Variants in DLGAP2 observed in about 807,000 individuals in gnomAD.
The protein encoded by DLGAP2 is disks large-associated protein 2.
Under a neutral mutation model 100.3 loss-of-function variants are expected in DLGAP2, and 26 were observed. The observed-to-expected ratio is 0.26, with a 90% CI of 0.19 to 0.36. The LOEUF is 0.36. DLGAP2 is among the 10% of genes least tolerant of loss of function. The pLI is 1.00. For missense variants in DLGAP2, 1,858 were observed against 1,453.2 expected (o/e 1.28, Z -4.53); for synonymous variants, 886 against 630.1 (o/e 1.41, Z -6.08).
chr8:1,166,306 TCCCG>T (rs1409150654), intron 2 of DLGAP2, among the ~76,000 whole-genome samples: 9 of 152,310 alleles, frequency 5.9e-5, no homozygotes, highest in African/African-American at 2.2e-4. Context: ...GCTTCCTTAT[TCCCG>T]AGGCCCCGGC....
At position 1,681,034 on chromosome 8, in the gene DLGAP2, GAGGAGAGAGGAAAAAATTT is replaced by G. The variant is rs995532618; in HGVS notation, c.2704+2426_2704+2444del. Among the ~76,000 whole-genome samples the G allele has an allele frequency of 1.6e-4, 24 of 151,236 alleles. 1 individual carries two copies. The South Asian group carries it at 3.3e-3, about 21-fold the overall frequency. On this transcript the variant is annotated intron_variant, in intron 12 of 14. Transcript: ENST00000637795. Reference sequence around the variant, plus strand: ...TCCTCAAAAGAACACCTTTGAGGAGGAGGAGAGAGGAAAAAATTTAGGAGAGAGGAAAAAATTTACAAAG... The same window carrying G: ...TCCTCAAAAGAACACCTTTGAGGAGGAGGAGAGAGGAAAAAATTTACAAAG...
intron 2 of DLGAP2, among the ~76,000 whole-genome samples, chr8:1,225,201 A>T (rs1798390044): frequency 6.6e-6 from 1 of 152,242 alleles, no homozygotes; most frequent in African/African-American, 2.4e-5. Flanking sequence ...GGGTGGATGG[A>T]TAAGCACATG....
At chr8:1,362,747 A>C (rs1320007235) in intron 3 of DLGAP2, among the ~76,000 whole-genome samples, 1 of 152,234 alleles carries the variant, frequency 6.6e-6, no homozygotes, top group African/African-American at 2.4e-5. Context: ...CCTTAGTGTC[A>C]AGCAACAGCG....
intron 1 of DLGAP2, among the ~76,000 whole-genome samples, chr8:765,799 A>G (rs1821197465): frequency 1.3e-5 from 2 of 151,992 alleles, no homozygotes; most frequent in African/African-American, 2.4e-5. Context: ...ACAGACACAC[A>G]CACACGCGAT....
chr8:1,184,907 T>A (rs73537214), intron 2 of DLGAP2, among the ~76,000 whole-genome samples: 1 of 152,060 alleles, frequency 6.6e-6, no homozygotes, highest in Non-Finnish European at 1.5e-5. Flanking sequence ...CAAAGGTGAC[T>A]CACTTGCCCC....
At chr8:1,677,740 T>A (rs554668901) in intron 11 of DLGAP2, among the ~76,000 whole-genome samples, 6 of 152,352 alleles carry the variant, frequency 3.9e-5, no homozygotes, top group African/African-American at 1.4e-4. Context: ...TTATTTTGCA[T>A]ACAGGGGTTA....
intron 10 of DLGAP2, among the ~76,000 whole-genome samples, chr8:1,670,301 G>A (rs574729394): frequency 6.6e-6 from 1 of 152,228 alleles, no homozygotes; most frequent in African/African-American, 2.4e-5. Flanking sequence ...CAGTGCCGCC[G>A]CTTCCTGCCC....
intron 2 of DLGAP2, among the ~76,000 whole-genome samples, chr8:931,397 C>T (rs1584900107): frequency 6.6e-6 from 1 of 152,340 alleles, no homozygotes; most frequent in East Asian, 1.9e-4. Flanking sequence ...CCTCCTGGCT[C>T]TGGAAAAAGC....
rs758373734 is a variant in DLGAP2, at chr8:1,549,695, C to T, written c.1230+12C>T. On this transcript the variant is annotated intron_variant, in intron 5 of 14. Transcript: ENST00000637795. ...GCCACTACCTCCAGGTAAGCAGGCT[C>T]ACGGCCCTGTGGAGGCCGTCTCGGC... The T allele has an allele frequency of 1.3e-6, 2 of 1,534,754 alleles. No homozygotes were observed. Among genetic ancestry groups the T allele is most frequent in the South Asian group, 2.4e-5 (2 of 84,476 alleles).
chr8:1,082,154 C>G (rs1421162250), intron 2 of DLGAP2, among the ~76,000 whole-genome samples: 5 of 152,152 alleles, frequency 3.3e-5, no homozygotes, highest in African/African-American at 4.8e-5. Context: ...TTCCTGTTAC[C>G]TAAAGAACAT....
intron 3 of DLGAP2, among the ~76,000 whole-genome samples, chr8:1,351,665 C>G (rs369792089): frequency 2.1e-4 from 12 of 56,942 alleles, no homozygotes; most frequent in African/African-American, 3.6e-4. Flanking sequence ...CGGGTCCTGA[C>G]TGTGTGTGGA....
chr8:1,295,012 A>G (rs1016949754), intron 3 of DLGAP2, among the ~76,000 whole-genome samples: 3 of 152,168 alleles, frequency 2.0e-5, no homozygotes, highest in African/African-American at 4.8e-5. Context: ...CCATATAATC[A>G]TTGTTAATAG....
At chr8:923,189 T>A (rs1339118694) in intron 2 of DLGAP2, among the ~76,000 whole-genome samples, 3 of 152,114 alleles carry the variant, frequency 2.0e-5, no homozygotes, top group Admixed American at 1.3e-4. Context: ...GTGGTCTGTG[T>A]CAGTCTTGGC....
chr8:1,438,000 G>C (rs1021298949), intron 3 of DLGAP2, among the ~76,000 whole-genome samples: 2 of 151,682 alleles, frequency 1.3e-5, no homozygotes, highest in Non-Finnish European at 2.9e-5. Context: ...AAAATAAAAT[G>C]AATAAAATAA....
intron 3 of DLGAP2, among the ~76,000 whole-genome samples, chr8:1,321,492 G>C (rs1249840662): frequency 6.6e-6 from 1 of 152,248 alleles, no homozygotes; most frequent in African/African-American, 2.4e-5. Flanking sequence ...CATGGTCCGT[G>C]ACCACCATGC....
intron 3 of DLGAP2, among the ~76,000 whole-genome samples, chr8:1,375,222 A>G (rs1468780799): frequency 1.4e-5 from 1 of 73,846 alleles, no homozygotes; most frequent in Non-Finnish European, 2.3e-5. Flanking sequence ...CACCTCCTAC[A>G]TTTGGGTTAA....
intron 3 of DLGAP2, among the ~76,000 whole-genome samples, chr8:1,451,558 C>T (rs1408931760): frequency 6.6e-6 from 1 of 152,128 alleles, no homozygotes; most frequent in Admixed American, 6.5e-5. Flanking sequence ...AGCATCGCCT[C>T]TGGCCTCATC....
At chr8:1,431,809 G>A (rs1797452079) in intron 3 of DLGAP2, among the ~76,000 whole-genome samples, 1 of 152,190 alleles carries the variant, frequency 6.6e-6, no homozygotes. Flanking sequence ...GTGCATGACA[G>A]GGACTCTTCT....
intron 3 of DLGAP2, among the ~76,000 whole-genome samples, chr8:1,483,664 G>GGGAGGCAGGTGCAGGAGGTGGGGAC (rs1554481332): frequency 5.7e-5 from 7 of 121,996 alleles, no homozygotes; most frequent in African/African-American, 1.0e-4. Flanking sequence ...TCTACACAGA[G>GGGAGGCAGGTGCAGGAGGTGGGGAC]CAGGGAGGCA....
Sources: gnomAD v4.1 joint callset for allele counts (sites outside exome capture counted in the v4.1 genomes callset) on GRCh38, gnomAD v4.1.1 for gene constraint, MANE v1.5 for transcripts, NCBI Gene and HGNC (gene_info 2026-07-23, HGNC 2026-07-21) for gene names.